The following WDR13 variants were observed in gnomAD, a reference collection of about 807,000 sequenced individuals.
The protein encoded by WDR13 is WD repeat-containing protein 13.
A neutral mutation model predicts 28.6 loss-of-function variants in WDR13; 1 was observed. That is an observed-to-expected ratio of 0.03 (90% CI 0.01 to 0.17). The LOEUF (loss-of-function observed/expected upper bound fraction) is 0.17, where lower values mean the gene tolerates loss of function less well. WDR13 is among the 10% of genes least tolerant of loss of function. The probability of loss-of-function intolerance (pLI) is 1.00; values close to 1 mark genes in which losing one functional copy is unlikely to be tolerated. For missense variants in WDR13, 264 were observed against 469.3 expected (o/e 0.56, Z 4.04); for synonymous variants, 201 against 185.9 (o/e 1.08, Z -0.66).
intron 8 of WDR13, 115 bp from the exon 9 acceptor site, chrX:48,604,157 A>G (rs2062206140): frequency 1.7e-6 from 1 of 592,992 alleles, no homozygotes; most frequent in South Asian, 3.2e-5. Flanking sequence ...AAAAAAAAAT[A>G]TGGGTTTCAT....
rs781816285 is a variant in WDR13 at position 48,604,973 on chromosome X, C to T, written c.1399C>T (p.Leu467=). Residue 467 remains leucine, a synonymous_variant, in exon 10 of 10, where the codon CTA becomes TTA. Coordinates refer to ENST00000376729, the MANE Select transcript of WDR13 (RefSeq NM_001347217.2). ...TGTCAGCTTCAACTGCGACGAGAGC[C>T]TACTGGCCTCCAGTGACGCCAGCGG... is the stretch of plus-strand genomic sequence containing the variant. ...LDVSFNCDES[L]LASSDASGMV... The T allele has an allele frequency of 5.0e-6, 6 of 1,209,750 alleles. No individual in the cohort carries two copies. In the East Asian group the frequency reaches 1.2e-4, roughly 24 times the overall value.
intron 8 of WDR13, among the ~76,000 whole-genome samples, chrX:48,602,905 TTCCTCCTGCCACCTCTGGCC>T (rs1346574096): frequency 8.9e-6 from 1 of 111,732 alleles, no homozygotes; most frequent in Non-Finnish European, 1.9e-5. Context: ...CTCTCCTTTC[TTCCTCCTGCCACCTCTGGCC>T]TCCTCCTGCC....
intron 6 of WDR13, among the ~76,000 whole-genome samples, chrX:48,601,227 A>G (rs1270831966): frequency 8.9e-6 from 1 of 112,852 alleles, no homozygotes; most frequent in African/African-American, 3.2e-5. Flanking sequence ...TTCCAACTGC[A>G]GGGGCTACCT....
Position 48,604,344 on chromosome X carries a change from C to T in WDR13, c.1227C>T (p.Arg409=). 2 of 1,211,042 alleles carry T rather than the reference C, an allele frequency of 1.7e-6. No individual in the cohort carries two copies. The highest frequency in any genetic ancestry group is 2.2e-6 in the Non-Finnish European group (2 of 895,164). Reference sequence around the variant, plus strand: ...TCGAGCAGAGCTCACATCCTGTGCGCAGCATCTTCTGTCCCCTCATGTCCT... The same window carrying T: ...TCGAGCAGAGCTCACATCCTGTGCGTAGCATCTTCTGTCCCCTCATGTCCT... ...FPIEQSSHPV[R]SIFCPLMSFR... The change falls in exon 9 of 10, where the codon CGC becomes CGT. Residue 409 remains arginine (R), a synonymous_variant. Transcript: ENST00000376729.
intron 1 of WDR13, 75 bp from the exon 2 acceptor site, chrX:48,597,883 A>G (rs782272606): frequency 4.6e-6 from 5 of 1,090,150 alleles, no homozygotes; most frequent in Admixed American, 3.7e-5. Context: ...GTCTATGGCA[A>G]TGGTCGCCTG....
rs372269370 is a variant in WDR13 at position 48,601,834 on chromosome X, G to A, written c.882G>A (p.Lys294=). 372 of 1,199,185 alleles carry A rather than the reference G, an allele frequency of 3.1e-4. No homozygotes were observed. The highest frequency in any genetic ancestry group is 3.7e-4 in the Non-Finnish European group (325 of 889,160). Residue 294 remains lysine (K), a synonymous_variant, in exon 7 of 10, where the codon AAG becomes AAA. Transcript: ENST00000376729. ...NVHVMNISTG[K]KVKGGSSKLT... is the part of the protein sequence containing the mutation. ...ATGTCATGAACATCTCCACAGGCAA[G>A]AAAGTGAAGGGGGGCTCCAGCAAGC...
At position 48,599,432 on chromosome X, in the gene WDR13, C is replaced by G; in HGVS notation, c.362C>G (p.Ala121Gly). The change falls in exon 4 of 10, where the codon GCG (alanine) becomes GGG (glycine). Residue 121 changes from alanine (A) to glycine (G), a missense_variant. Physicochemically the swap from Ala to Gly is moderately conservative, Grantham distance 60 (BLOSUM62 0). Coordinates refer to ENST00000376729, the MANE Select transcript of WDR13 (RefSeq NM_001347217.2). ...AGCAGAGGCTCCTACCAGCTGCAGG[C>G]GCAGATGAACCGTGCCGTCTATGAG... ...SVSRGSYQLQ[A>G]QMNRAVYEDR... The G allele has an allele frequency of 8.3e-7, 1 of 1,210,270 alleles. No homozygotes were observed. Among genetic ancestry groups the G allele is most frequent in the Non-Finnish European group, 1.1e-6 (1 of 894,461 alleles).
intron 9 of WDR13, 87 bp from the exon 10 acceptor site, chrX:48,604,761 A>G: frequency 9.6e-7 from 1 of 1,040,234 alleles, no homozygotes; most frequent in Non-Finnish European, 1.3e-6. Context: ...TCGGACATAC[A>G]CCCTTCAACA....
rs962031477 is a variant in WDR13, at chrX:48,602,272, G to T, written c.1154+66G>T. 24 of 1,095,679 alleles carry T rather than the reference G, an allele frequency of 2.2e-5. No homozygotes were observed. In the African/African-American group the frequency reaches 2.9e-4, roughly 13 times the overall value. The allele number at this position is 1,095,679 out of a possible 1,213,427, so 90.3% of individuals were successfully genotyped here. Reference sequence around the variant, plus strand: ...CCTCCTCCAGCACACTGGGACAGTAGCTCATCTCCTCCATCAGGTTAATTT... The same window carrying T: ...CCTCCTCCAGCACACTGGGACAGTATCTCATCTCCTCCATCAGGTTAATTT... On this transcript the variant is annotated intron_variant, in intron 8 of 9. Coordinates refer to ENST00000376729, the MANE Select transcript of WDR13 (RefSeq NM_001347217.2).
intron 8 of WDR13, among the ~76,000 whole-genome samples, chrX:48,603,295 G>A (rs1556995176): frequency 2.7e-5 from 3 of 112,182 alleles, no homozygotes; most frequent in African/African-American, 9.7e-5. Flanking sequence ...TGGGATTACA[G>A]ACGTGAGCCA....
Position 48,607,383 on chromosome X carries a change from G to GA in WDR13, c.*2351_*2352insA, listed in dbSNP as rs2062226967. On this transcript the variant is annotated 3_prime_UTR_variant, in exon 10 of 10. Coordinates refer to ENST00000376729, the MANE Select transcript of WDR13 (RefSeq NM_001347217.2). ...TTGTTGTTTTGGTTTTTTTTTGGCGGGGGGGGGGGGGTCTTGCTCTGACGC... is the reference window on the plus strand; with the variant it reads ...TTGTTGTTTTGGTTTTTTTTTGGCGGAGGGGGGGGGGGTCTTGCTCTGACGC... 1 of 62,023 alleles carries GA rather than the reference G, an allele frequency of 1.6e-5. No homozygotes were observed. The highest frequency in any genetic ancestry group is 5.1e-5 in the African/African-American group (1 of 19,610). 5.1% of individuals were successfully genotyped at this position (62,023 alleles called of 1,213,427 possible).
At chrX:48,604,192 A>C in intron 8 of WDR13, 80 bp from the exon 9 acceptor site, 5 of 900,681 alleles carry the variant, frequency 5.6e-6, no homozygotes, top group Non-Finnish European at 8.0e-6. Context: ...ACTTAGGCAC[A>C]GGGGTGGGGA....
chrX:48,599,335 G>T lies in WDR13; in HGVS notation c.283-18G>T. 1 of 1,159,497 alleles carries T rather than the reference G, an allele frequency of 8.6e-7. No individual in the cohort carries two copies. The highest frequency in any genetic ancestry group is 3.0e-5 in the East Asian group (1 of 33,300). The stretch of plus-strand genomic sequence containing the variant: ...GCTTTTTGCAAGATGCACCCACCCT[G>T]ACCCTCTCCATTTGCAGGACTTTGA... On this transcript the variant is annotated intron_variant, in intron 3 of 9. Transcript: ENST00000376729.
chrX:48,598,253 C>T, intron 2 of WDR13: 1 of 1,086,434 alleles, frequency 9.2e-7, no homozygotes, highest in South Asian at 2.5e-5. Flanking sequence ...CAGATGTGGG[C>T]ATGCGCAAAG....
In WDR13 at chrX:48,598,046, T is replaced by C. The variant is rs781968865; in HGVS notation, c.41+9T>C. ...TTAGCAGTGGACGCGAGGTGAGGCG[T>C]GGGGTCAAAGCCCATGGGAGCAGAA... On this transcript the variant is annotated intron_variant, in intron 2 of 9. Coordinates refer to ENST00000376729, the MANE Select transcript of WDR13 (RefSeq NM_001347217.2). 1.3e-5 allele frequency: 15 copies of C among 1,164,424 alleles called. No individual in the cohort carries two copies. In the South Asian group the frequency reaches 2.9e-4, roughly 22 times the overall value.
At position 48,605,929 on chromosome X, in the gene WDR13, G is replaced by A. The variant is rs1391037774; in HGVS notation, c.*897G>A. 1 of 110,424 alleles carries A rather than the reference G, an allele frequency of 9.1e-6. No individual in the cohort carries two copies. The highest frequency in any genetic ancestry group is 1.9e-5 in the Non-Finnish European group (1 of 52,955). The allele number at this position is 110,424 out of a possible 1,213,427, so 9.1% of individuals were successfully genotyped here. A position where few individuals can be genotyped will look rare whatever the true frequency, so the allele number is the denominator to read the frequency against. ...CATAGTGTAGGGGGAGAACATTCCA[G>A]GCAGAGAGAAAGCCAGCCTAAAGGC... On this transcript the variant is annotated 3_prime_UTR_variant, in exon 10 of 10. Coordinates refer to ENST00000376729, the MANE Select transcript of WDR13 (RefSeq NM_001347217.2).
Position 48,598,913 on chromosome X carries a change from A to G in WDR13, c.238A>G (p.Asn80Asp), listed in dbSNP as rs1556993570. The part of the protein sequence containing the change: ...SEPGSARAYS[N>D]SIVRSSRTTL... ...GCCAGGCAGTGCTCGTGCCTATAGC[A>G]ACAGCATCGTCCGCAGTAGCCGCAC... Residue 80 changes from asparagine to aspartate, a missense_variant, in exon 3 of 10, where the codon AAC becomes GAC. Asn to Asp is a conservative substitution (Grantham distance 23). Around this residue, in one of 4 missense-constraint regions of WDR13, gnomAD observed 74 missense variants for 89.3 expected, o/e 0.83. Coordinates refer to ENST00000376729, the MANE Select transcript of WDR13 (RefSeq NM_001347217.2). 1 of 1,209,415 alleles carries G rather than the reference A, an allele frequency of 8.3e-7. No homozygotes were observed. Among genetic ancestry groups the G allele is most frequent in the Non-Finnish European group, 1.1e-6 (1 of 894,675 alleles).
chrX:48,604,240 C>T (rs782408832), intron 8 of WDR13, 32 bp from the exon 9 acceptor site: 3 of 1,178,715 alleles, frequency 2.5e-6, no homozygotes, highest in Non-Finnish European at 3.5e-6. Flanking sequence ...AGGGCTGGGG[C>T]TGTGTTTTGA....
chrX:48,607,352 TTG>T lies in WDR13; in HGVS notation c.*2322_*2323del, dbSNP rs2062226315. 2.2e-5 allele frequency: 2 copies of T among 90,064 alleles called. No individual in the cohort carries two copies. Among genetic ancestry groups the T allele is most frequent in the African/African-American group, 8.2e-5 (2 of 24,265 alleles). 7.4% of individuals were successfully genotyped at this position (90,064 alleles called of 1,213,427 possible). ...ACTCAGCACCCAGAGGTTTTTTTTG[TTG>T]TTGTTGTTGTTTTGGTTTTTTTTTG... is the stretch of plus-strand genomic sequence containing the variant. On this transcript the variant is annotated 3_prime_UTR_variant, in exon 10 of 10. Transcript: ENST00000376729.
Sources: allele counts gnomAD v4.1 joint callset (sites outside exome capture counted in the v4.1 genomes callset), GRCh38; gene constraint gnomAD v4.1.1; regional missense constraint gnomAD v4.1.1; transcripts MANE v1.5; gene names NCBI Gene and HGNC (gene_info 2026-07-23, HGNC 2026-07-21).